The following SYS1 variants were observed in gnomAD, a reference collection of about 807,000 sequenced individuals.
SYS1 encodes the protein SYS1 golgi trafficking protein.
SYS1 carries 8 observed loss-of-function variants against 17.8 expected under a neutral mutation model. The observed-to-expected ratio is 0.45, with a 90% CI of 0.26 to 0.81. SYS1 has a LOEUF of 0.81. SYS1 is among the 40% of genes least tolerant of loss of function. SYS1 has a pLI of 0.16. For missense variants in SYS1, 161 were observed against 203.9 expected (o/e 0.79, Z 1.28); for synonymous variants, 95 against 90.9 (o/e 1.05, Z -0.26).
exon 4 of SYS1, chr20:45,375,240 G>A (rs772134358): frequency 1.9e-6 from 3 of 1,614,216 alleles, no homozygotes; most frequent in South Asian, 2.2e-5. Context: ...TATTGCGGTA[G>A]GGCTTAATGA....
In SYS1 at chr20:45,375,061, A is replaced by G. The variant is rs751611617; in HGVS notation, c.*767A>G. 117 of 1,613,840 alleles carry G rather than the reference A, an allele frequency of 7.2e-5. No homozygotes were observed. In the Admixed American group the frequency reaches 1.1e-3, roughly 16 times the overall value. On this transcript the variant is annotated 3_prime_UTR_variant, in exon 4 of 4. Coordinates refer to the SYS1 transcript ENST00000426004. Reference sequence around the variant, plus strand: ...CACCTTGTATGGATGCCACATAGGCATTTCAAGTGATGCGGAGCAGAAGCG... The same window carrying G: ...CACCTTGTATGGATGCCACATAGGCGTTTCAAGTGATGCGGAGCAGAAGCG...
intron 1 of SYS1, 105 bp downstream of exon 1, chr20:45,363,420 C>G: frequency 6.9e-7 from 1 of 1,457,684 alleles, no homozygotes; most frequent in Non-Finnish European, 9.1e-7. Flanking sequence ...CCGCCTTCCC[C>G]CTGACTCTTG....
At position 45,368,104 on chromosome 20, in the gene SYS1, T is replaced by C. The variant is rs1568918801; in HGVS notation, c.*989T>C. 1.0e-6 allele frequency: 1 copy of C among 985,460 alleles called. No homozygotes were observed. Among genetic ancestry groups the C allele is most frequent in the Non-Finnish European group, 1.2e-6 (1 of 829,938 alleles). The allele number at this position is 985,460 out of a possible 1,614,324, so 61.0% of individuals were successfully genotyped here. A position where few individuals can be genotyped will look rare whatever the true frequency, so the allele number is the denominator to read the frequency against. On this transcript the variant is annotated 3_prime_UTR_variant, in exon 4 of 4. Coordinates refer to ENST00000243918, the MANE Select transcript of SYS1 (RefSeq NM_033542.4). Reference sequence around the variant, plus strand: ...ATCCTTCCTGTGTATACAAATACAGTATTTTCCATGGTTCTGCCTGCACTT... The same window carrying C: ...ATCCTTCCTGTGTATACAAATACAGCATTTTCCATGGTTCTGCCTGCACTT...
Position 45,368,616 on chromosome 20 carries a change from G to T in SYS1, c.*1501G>T. 1.0e-6 allele frequency: 1 copy of T among 985,426 alleles called. No individual in the cohort carries two copies. Among genetic ancestry groups the T allele is most frequent in the Non-Finnish European group, 1.2e-6 (1 of 829,954 alleles). The allele number at this position is 985,426 out of a possible 1,614,324, so 61.0% of individuals were successfully genotyped here. ...AGGATGAAGATTTAGGAATAAATAT[G>T]CCTGGGAAGAGACTGGGAAGGTTCT... is the stretch of plus-strand genomic sequence containing the variant. On this transcript the variant is annotated 3_prime_UTR_variant, in exon 4 of 4. Coordinates refer to ENST00000243918, the MANE Select transcript of SYS1 (RefSeq NM_033542.4).
At position 45,375,397 on chromosome 20, in the gene SYS1, A is replaced by T. The variant is rs547642390; in HGVS notation, c.*1103A>T. 13 of 1,613,634 alleles carry T rather than the reference A, an allele frequency of 8.1e-6. No individual in the cohort carries two copies. In the South Asian group the frequency reaches 1.3e-4, roughly 16 times the overall value. On this transcript the variant is annotated 3_prime_UTR_variant, in exon 4 of 4. Coordinates refer to the SYS1 transcript ENST00000426004. Reference sequence around the variant, plus strand: ...CAATGACGTTTTCTCCTTGTTCCTCATCCCTGACTGCACCTGGGACTTCCA... The same window carrying T: ...CAATGACGTTTTCTCCTTGTTCCTCTTCCCTGACTGCACCTGGGACTTCCA...
chr20:45,375,289 T>C (rs1210886976), exon 4 of SYS1: 6 of 1,614,060 alleles, frequency 3.7e-6, no homozygotes, highest in Non-Finnish European at 4.2e-6. Context: ...TTGCCTCCCC[T>C]GGACTCCAGG....
chr20:45,374,267 T>C (rs2145365477), intron 3 of SYS1: 1 of 697,908 alleles, frequency 1.4e-6, no homozygotes, highest in Non-Finnish European at 2.6e-6. Flanking sequence ...TCAGAGTAAA[T>C]CTTTTTTTCC....
At chr20:45,373,717 T>G (rs933917125), downstream of SYS1, 1 of 504,802 alleles carries the variant, frequency 2.0e-6, no homozygotes, top group Non-Finnish European at 3.3e-6. Context: ...CTCGCGGAGG[T>G]GGGGGAGGGG....
At chr20:45,364,480 T>TC (rs1555868185) in intron 2 of SYS1, among the ~76,000 whole-genome samples, 1 of 137,122 alleles carries the variant, frequency 7.3e-6, no homozygotes, top group East Asian at 2.0e-4. Flanking sequence ...TTTTTTTTTT[T>TC]TTTTTTTTTG....
Position 45,367,903 on chromosome 20 carries a change from C to T in SYS1, c.*788C>T. 2 of 985,710 alleles carry T rather than the reference C, an allele frequency of 2.0e-6. No homozygotes were observed. The highest frequency in any genetic ancestry group is 2.4e-6 in the Non-Finnish European group (2 of 829,950). 61.1% of individuals were successfully genotyped at this position (985,710 alleles called of 1,614,324 possible). A position where few individuals can be genotyped will look rare whatever the true frequency, so the allele number is the denominator to read the frequency against. On this transcript the variant is annotated 3_prime_UTR_variant, in exon 4 of 4. Coordinates refer to ENST00000243918, the MANE Select transcript of SYS1 (RefSeq NM_033542.4). ...CCAGGCACCCAGCTCCCACTGGACT[C>T]CAATTTTTTTTCCTGCCTTATTTAG...
At position 45,367,184 on chromosome 20, in the gene SYS1, G is replaced by C. The variant is rs2145355561; in HGVS notation, c.*69G>C. 2 of 1,587,230 alleles carry C rather than the reference G, an allele frequency of 1.3e-6. No homozygotes were observed. The highest frequency in any genetic ancestry group is 1.7e-6 in the Non-Finnish European group (2 of 1,164,794). Reference sequence around the variant, plus strand: ...CACCTTGGGCTGCTCAGACCCTCCAGATGAGGTCCAGCCCAGATCTGAGAG... The same window carrying C: ...CACCTTGGGCTGCTCAGACCCTCCACATGAGGTCCAGCCCAGATCTGAGAG... On this transcript the variant is annotated 3_prime_UTR_variant, in exon 4 of 4. Transcript: ENST00000243918.
chr20:45,375,322 G>C lies in SYS1; in HGVS notation c.*1028G>C, dbSNP rs762407544. 12 of 1,614,034 alleles carry C rather than the reference G, an allele frequency of 7.4e-6. 1 individual carries two copies. In the African/African-American group the frequency reaches 1.5e-4, roughly 20 times the overall value. On this transcript the variant is annotated 3_prime_UTR_variant, in exon 4 of 4. Coordinates refer to the SYS1 transcript ENST00000426004. ...AGGGTTCAAGCTATCATCCCTCGAT[G>C]TCCTTGGAACCTCAGGCTCTATATG...
chr20:45,373,669 C>CG, downstream of SYS1: 1 of 559,668 alleles, frequency 1.8e-6, no homozygotes, highest in Non-Finnish European at 3.2e-6. Context: ...AGCACACGAG[C>CG]GCCCTGACTT....
intron 2 of SYS1, chr20:45,365,154 T>C: frequency 3.8e-6 from 1 of 265,938 alleles, no homozygotes; most frequent in Non-Finnish European, 7.4e-6. Flanking sequence ...AAACCTTTCC[T>C]TTAAGGGTGA....
At position 45,367,274 on chromosome 20, in the gene SYS1, A is replaced by G. The variant is rs919358727; in HGVS notation, c.*159A>G. On this transcript the variant is annotated 3_prime_UTR_variant, in exon 4 of 4. Coordinates refer to ENST00000243918, the MANE Select transcript of SYS1 (RefSeq NM_033542.4). ...ATAGTGAGGGCCTGTCAAAGAAGGC[A>G]GGTAGCAGTCAGCATGACAGCTGCA... 93 of 1,451,896 alleles carry G rather than the reference A, an allele frequency of 6.4e-5. No individual in the cohort carries two copies. Among genetic ancestry groups the G allele is most frequent in the Non-Finnish European group, 6.2e-5 (69 of 1,105,470 alleles). The allele number at this position is 1,451,896 out of a possible 1,614,324, so 89.9% of individuals were successfully genotyped here.
At chr20:45,365,461 A>G (rs973644223) in intron 2 of SYS1, 158 bp from the exon 3 acceptor site, 11 of 783,732 alleles carry the variant, frequency 1.4e-5, no homozygotes, top group African/African-American at 1.0e-4. Context: ...ATGGATGTCT[A>G]TGAAAGCACC....
chr20:45,374,204 T>G, downstream of SYS1: 1 of 674,516 alleles, frequency 1.5e-6, no homozygotes, highest in Non-Finnish European at 2.7e-6. Context: ...ACTTTCATTC[T>G]CCCACGAAAG....
chr20:45,373,666 G>C, downstream of SYS1: 9 of 553,674 alleles, frequency 1.6e-5, no homozygotes. Context: ...GGAAGCACAC[G>C]AGCGCCCTGA....
chr20:45,374,178 C>G (rs967191183), downstream of SYS1: 15 of 677,800 alleles, frequency 2.2e-5, no homozygotes, highest in Non-Finnish European at 3.7e-5. Context: ...GGCACTCACC[C>G]CCTTCCTTTC....
Sources: gnomAD v4.1 joint callset for allele counts (sites outside exome capture counted in the v4.1 genomes callset) on GRCh38, gnomAD v4.1.1 for gene constraint, MANE v1.5 for transcripts, NCBI Gene and HGNC (gene_info 2026-07-23, HGNC 2026-07-21) for gene names.